The following ACBD6 variants were observed in gnomAD, a reference collection of about 807,000 sequenced individuals.
The protein encoded by ACBD6 is acyl-CoA-binding domain-containing protein 6.
In ACBD6, 28 loss-of-function variants were observed where a neutral mutation model predicts 37.2. The ratio of observed to expected loss-of-function variants is 0.75; its 90% confidence interval spans 0.56 to 1.03. The LOEUF (loss-of-function observed/expected upper bound fraction) is 1.03, where lower values mean the gene tolerates loss of function less well. Among genes scored for constraint, ACBD6 ranks in the 50% least tolerant of loss-of-function variants. The pLI is 0.00. For missense variants in ACBD6, 340 were observed against 337.4 expected (o/e 1.01, Z -0.06); for synonymous variants, 113 against 126.8 (o/e 0.89, Z 0.73).
chr1:180,462,296 G>A (rs755642931), intron 3 of ACBD6, among the ~76,000 whole-genome samples: 12 of 152,110 alleles, frequency 7.9e-5, no homozygotes, highest in Non-Finnish European at 1.5e-4. Context: ...AGTGTGGCAA[G>A]CTGGATAAAG....
chr1:180,486,756 A>T (rs1158615657), intron 3 of ACBD6, among the ~76,000 whole-genome samples: 3 of 152,206 alleles, frequency 2.0e-5, no homozygotes, highest in African/African-American at 7.2e-5. Context: ...TTAATTACAA[A>T]GGGAAAAATA....
chr1:180,490,121 G>A (rs1651435578), intron 3 of ACBD6, among the ~76,000 whole-genome samples: 1 of 152,190 alleles, frequency 6.6e-6, no homozygotes, highest in East Asian at 1.9e-4. Context: ...TGAGAACACA[G>A]TGACTGGACC....
intron 6 of ACBD6, among the ~76,000 whole-genome samples, chr1:180,336,648 G>T (rs1173973510): frequency 6.6e-6 from 1 of 151,048 alleles, no homozygotes; most frequent in Non-Finnish European, 1.5e-5. Flanking sequence ...CAGAAGGCAA[G>T]AAATAACTAA....
intron 3 of ACBD6, among the ~76,000 whole-genome samples, chr1:180,454,869 T>A (rs1649853767): frequency 6.6e-6 from 1 of 152,108 alleles, no homozygotes; most frequent in Non-Finnish European, 1.5e-5. Flanking sequence ...GTCAGGAAAC[T>A]ACAGGTACTG....
chr1:180,319,137 A>T (rs1650952205), intron 6 of ACBD6, among the ~76,000 whole-genome samples: 1 of 152,162 alleles, frequency 6.6e-6, no homozygotes, highest in Admixed American at 6.5e-5. Context: ...AAGTACGGTT[A>T]GGTGCTCCTC....
chr1:180,286,865 C>A (rs1257478685), downstream of ACBD6: 1 of 152,144 alleles, frequency 6.6e-6, no homozygotes, highest in African/African-American at 2.4e-5. Flanking sequence ...CAGGTTAGTT[C>A]ATGCTAATGA....
intron 6 of ACBD6, among the ~76,000 whole-genome samples, chr1:180,364,214 G>C (rs908103421): frequency 6.6e-6 from 1 of 152,144 alleles, no homozygotes; most frequent in Non-Finnish European, 1.5e-5. Flanking sequence ...TGATGGCCTA[G>C]CACATTTTAC....
intron 5 of ACBD6, among the ~76,000 whole-genome samples, chr1:180,398,931 A>G (rs2101953189): frequency 6.6e-6 from 1 of 152,346 alleles, no homozygotes; most frequent in East Asian, 1.9e-4. Flanking sequence ...AGCACCTTTC[A>G]AGAAATAGCT....
intron 1 of ACBD6, among the ~76,000 whole-genome samples, chr1:180,500,617 C>G (rs746626139): frequency 1.3e-5 from 2 of 149,976 alleles, no homozygotes; most frequent in Admixed American, 6.7e-5. Flanking sequence ...TCGCTTGAAC[C>G]GGGGAGGTAG....
chr1:180,431,076 A>T (rs1648793915), intron 3 of ACBD6, among the ~76,000 whole-genome samples: 3 of 152,160 alleles, frequency 2.0e-5, no homozygotes, highest in Admixed American at 2.0e-4. Flanking sequence ...ATTTGACTGC[A>T]AAAAGACTAG....
intron 6 of ACBD6, among the ~76,000 whole-genome samples, chr1:180,365,090 G>A (rs1451450235): frequency 6.6e-6 from 1 of 152,124 alleles, no homozygotes; most frequent in Admixed American, 6.6e-5. Context: ...GTTAGTGGCA[G>A]AATAGAAATT....
chr1:180,350,023 C>CT lies in ACBD6; in HGVS notation c.664-35302dup, dbSNP rs371542775. 4.1e-3 allele frequency among the ~76,000 whole-genome samples: 266 copies of CT among 65,548 alleles called. 4 individuals carry two copies. Among genetic ancestry groups the CT allele is most frequent in the South Asian group, 7.6e-3 (10 of 1,312 alleles). 43.0% of individuals were successfully genotyped at this position (65,548 alleles called of 152,430 possible). On this transcript the variant is annotated intron_variant, in intron 6 of 7. Transcript: ENST00000367595. ...GGTGTTTCAGTCCTCTCCAGTGACC[C>CT]TTTTTTTTTTTTTTTTTTTTTGAGC...
At chr1:180,283,216 T>C (rs1301229366) in intron 8 of ACBD6, among the ~76,000 whole-genome samples, 1 of 152,196 alleles carries the variant, frequency 6.6e-6, no homozygotes, top group Non-Finnish European at 1.5e-5. Flanking sequence ...CCGAGATTGC[T>C]ACGCAAGTGA....
intron 4 of ACBD6, among the ~76,000 whole-genome samples, chr1:180,422,807 G>C (rs1648422676): frequency 6.6e-6 from 1 of 152,190 alleles, no homozygotes; most frequent in Non-Finnish European, 1.5e-5. Context: ...GGGACAAACT[G>C]CTCACTTGGA....
At chr1:180,470,190 T>C (rs1410448633) in intron 3 of ACBD6, among the ~76,000 whole-genome samples, 2 of 152,006 alleles carry the variant, frequency 1.3e-5, no homozygotes, top group Admixed American at 1.3e-4. Flanking sequence ...GAGACTAGTG[T>C]CACAAATAAA....
Position 180,346,125 on chromosome 1 carries a change from G to T in ACBD6, c.664-31403C>A, listed in dbSNP as rs143759263. ...GTAGCAAGTGCTGACAGGCTAGATC[G>T]GTTAGATCTAACAAGATGGAATTTA... On this transcript the variant is annotated intron_variant, in intron 6 of 7. Transcript: ENST00000367595. Among the ~76,000 whole-genome samples the T allele has an allele frequency of 5.5e-3, 831 of 152,150 alleles. 6 individuals carry two copies. Among genetic ancestry groups the T allele is most frequent in the African/African-American group, 0.019 (786 of 41,506 alleles).
intron 5 of ACBD6, among the ~76,000 whole-genome samples, chr1:180,412,236 T>C (rs753890138): frequency 6.6e-6 from 1 of 152,164 alleles, no homozygotes; most frequent in Non-Finnish European, 1.5e-5. Context: ...TGCAGTATCA[T>C]AGTCTTACAT....
chr1:180,420,291 G>A (rs748380165), intron 4 of ACBD6, among the ~76,000 whole-genome samples: 10 of 152,122 alleles, frequency 6.6e-5, no homozygotes, highest in Non-Finnish European at 1.3e-4. Flanking sequence ...TCCTTGATTG[G>A]CTCTGTCGTA....
At chr1:180,485,943 CAA>C (rs545012657) in intron 3 of ACBD6, among the ~76,000 whole-genome samples, 17 of 119,010 alleles carry the variant, frequency 1.4e-4, no homozygotes, top group Admixed American at 2.6e-4. Context: ...CTCCCAGTAG[CAA>C]AAAAAAAAAA....
Sources: allele counts gnomAD v4.1 joint callset (sites outside exome capture counted in the v4.1 genomes callset), GRCh38; gene constraint gnomAD v4.1.1; transcripts MANE v1.5; gene names NCBI Gene and HGNC (gene_info 2026-07-23, HGNC 2026-07-21).